The following NRXN3 variants were observed in gnomAD, a reference collection of about 807,000 sequenced individuals.
NRXN3 encodes the protein neurexin 3.
Under a neutral mutation model 137.6 loss-of-function variants are expected in NRXN3, and 32 were observed. That is an observed-to-expected ratio of 0.23 (90% CI 0.18 to 0.31). The LOEUF is 0.31. NRXN3 is among the 10% of genes least tolerant of loss of function. The pLI, the probability that NRXN3 is intolerant of heterozygous loss-of-function variation, is 1.00. For synonymous variants in NRXN3, 798 were observed against 784.5 expected (o/e 1.02, Z -0.29); for missense variants, 1,574 against 2,062.5 (o/e 0.76, Z 4.59).
chr14:79,845,416 T>TA (rs1399117888), intron 20 of NRXN3, among the ~76,000 whole-genome samples: 2 of 152,102 alleles, frequency 1.3e-5, no homozygotes, highest in African/African-American at 4.8e-5. Flanking sequence ...TTTCTAGCTT[T>TA]AAAGTGAGAG....
intron 16 of NRXN3, among the ~76,000 whole-genome samples, chr14:79,623,991 T>C (rs1323354777): frequency 3.3e-5 from 5 of 152,046 alleles, no homozygotes; most frequent in Admixed American, 1.3e-4. Flanking sequence ...GAGAAGACTC[T>C]ATATCTCACC....
intron 15 of NRXN3, among the ~76,000 whole-genome samples, chr14:79,336,333 C>A (rs2092258680): frequency 6.6e-6 from 1 of 152,172 alleles, no homozygotes; most frequent in Non-Finnish European, 1.5e-5. Context: ...CAATCCTACA[C>A]CTCTGTGAAC....
chr14:79,576,783 A>G (rs1435967992), intron 16 of NRXN3, among the ~76,000 whole-genome samples: 1 of 152,136 alleles, frequency 6.6e-6, no homozygotes, highest in Admixed American at 6.5e-5. Context: ...ACTCAGTGGC[A>G]TCTCTCATAT....
intron 4 of NRXN3, among the ~76,000 whole-genome samples, chr14:78,319,833 G>C (rs2079122800): frequency 6.6e-6 from 1 of 152,058 alleles, no homozygotes; most frequent in African/African-American, 2.4e-5. Context: ...TAATCCCCTG[G>C]GAAGAATGAG....
chr14:78,607,506 G>A (rs2097262904), intron 4 of NRXN3, among the ~76,000 whole-genome samples: 1 of 152,178 alleles, frequency 6.6e-6, no homozygotes, highest in Non-Finnish European at 1.5e-5. Context: ...TATGAGTCTG[G>A]AAGTCCCCAC....
Position 79,403,955 on chromosome 14 carries a change from A to G in NRXN3, c.3263-63266A>G, listed in dbSNP as rs188442055. On this transcript the variant is annotated intron_variant, in intron 15 of 20. Coordinates refer to ENST00000335750, the MANE Select transcript of NRXN3 (RefSeq NM_001330195.2). The stretch of plus-strand genomic sequence containing the variant: ...ATCTTAACCCAAACAACTAGATTGC[A>G]TTACTGGGCTCTTAAAAGTTTTGTT... Among the ~76,000 whole-genome samples the G allele has an allele frequency of 5.1e-4, 78 of 152,304 alleles. 1 individual carries two copies. Among genetic ancestry groups the G allele is most frequent in the African/African-American group, 1.7e-3 (71 of 41,578 alleles).
At chr14:79,552,672 G>C (rs1230002259) in intron 16 of NRXN3, among the ~76,000 whole-genome samples, 1 of 152,130 alleles carries the variant, frequency 6.6e-6, no homozygotes, top group African/African-American at 2.4e-5. Flanking sequence ...ATAATTTTTA[G>C]AGGAGATGAG....
At chr14:79,212,057 C>A (rs897598853) in intron 15 of NRXN3, among the ~76,000 whole-genome samples, 3 of 152,132 alleles carry the variant, frequency 2.0e-5, no homozygotes, top group African/African-American at 4.8e-5. Flanking sequence ...GCTTAAAGGG[C>A]AACTTCCTGT....
intron 4 of NRXN3, among the ~76,000 whole-genome samples, chr14:78,462,050 C>G (rs886719932): frequency 2.0e-5 from 3 of 152,152 alleles, no homozygotes; most frequent in African/African-American, 7.2e-5. Flanking sequence ...ATACTTTCCC[C>G]ATGGGCTTGA....
chr14:78,572,545 A>G (rs962585185), intron 4 of NRXN3, among the ~76,000 whole-genome samples: 5 of 152,198 alleles, frequency 3.3e-5, no homozygotes, highest in Admixed American at 6.5e-5. Context: ...GAAGCACTCT[A>G]TAGTTTCAGG....
chr14:78,661,621 T>C (rs911474194), intron 6 of NRXN3, among the ~76,000 whole-genome samples: 2 of 152,242 alleles, frequency 1.3e-5, no homozygotes, highest in African/African-American at 4.8e-5. Flanking sequence ...AATAGAGGTC[T>C]GACCTGTGCA....
intron 15 of NRXN3, among the ~76,000 whole-genome samples, chr14:79,199,163 TA>T (rs71131684): frequency 0.6 from 88,373 of 146,790 alleles, 27,361 homozygotes; most frequent in South Asian, 0.73. Flanking sequence ...AGACTGCGTC[TA>T]AAAAAAAAAA....
chr14:79,527,662 C>T (rs558614379), intron 16 of NRXN3, among the ~76,000 whole-genome samples: 15 of 151,736 alleles, frequency 9.9e-5, no homozygotes, highest in Non-Finnish European at 2.1e-4. Flanking sequence ...CACTTGAGTT[C>T]AGGAGTTCAA....
chr14:79,299,968 T>C (rs1598433235), intron 15 of NRXN3, among the ~76,000 whole-genome samples: 3 of 152,136 alleles, frequency 2.0e-5, no homozygotes, highest in East Asian at 3.9e-4. Flanking sequence ...GTGCAGTATA[T>C]TGCAAGTGAC....
chr14:79,444,699 A>G (rs920469896), intron 15 of NRXN3, among the ~76,000 whole-genome samples: 7 of 152,138 alleles, frequency 4.6e-5, no homozygotes, highest in African/African-American at 1.2e-4. Context: ...ATGGTGACCC[A>G]TGCCTGTAGT....
intron 8 of NRXN3, among the ~76,000 whole-genome samples, chr14:78,758,235 G>T (rs190350047): frequency 2.6e-4 from 39 of 152,248 alleles, no homozygotes; most frequent in Non-Finnish European, 5.0e-4. Context: ...TTTTTAATCT[G>T]TACAATGAAC....
chr14:79,250,114 A>C lies in NRXN3; in HGVS notation c.3263-217107A>C, dbSNP rs572481728. Among the ~76,000 whole-genome samples the C allele has an allele frequency of 3.3e-5, 5 of 152,354 alleles. No individual in the cohort carries two copies. In the South Asian group the frequency reaches 1.0e-3, roughly 32 times the overall value. The stretch of plus-strand genomic sequence containing the variant: ...TTCCTTCATGCAAACATAAACAGAA[A>C]TTTGTTTTATTTTAAAAGATAGAGG... On this transcript the variant is annotated intron_variant, in intron 15 of 20. Transcript: ENST00000335750.
chr14:79,492,416 T>G (rs1443086198), intron 16 of NRXN3, among the ~76,000 whole-genome samples: 1 of 152,044 alleles, frequency 6.6e-6, no homozygotes, highest in Non-Finnish European at 1.5e-5. Context: ...AGGGTCTCAC[T>G]CTGTTGCCCA....
intron 4 of NRXN3, among the ~76,000 whole-genome samples, chr14:78,327,273 A>G (rs2080222616): frequency 6.6e-6 from 1 of 152,208 alleles, no homozygotes; most frequent in African/African-American, 2.4e-5. Context: ...ACCTACTGTC[A>G]ACCTAAAGGT....
Sources: allele counts gnomAD v4.1 joint callset (sites outside exome capture counted in the v4.1 genomes callset), GRCh38; gene constraint gnomAD v4.1.1; transcripts MANE v1.5; gene names NCBI Gene and HGNC (gene_info 2026-07-23, HGNC 2026-07-21).